TRAPPC9: variants seen among roughly 807,000 people sequenced by gnomAD.
TRAPPC9 encodes the protein IKK2 binding protein.
In TRAPPC9, 83 loss-of-function variants were observed where a neutral mutation model predicts 124.0. That is an observed-to-expected ratio of 0.67 (90% CI 0.56 to 0.80). The LOEUF (loss-of-function observed/expected upper bound fraction) is 0.80, where lower values mean the gene tolerates loss of function less well. Among genes scored for constraint, TRAPPC9 ranks in the 30% least tolerant of loss-of-function variants. The probability of loss-of-function intolerance (pLI) is 0.00; values close to 1 mark genes in which losing one functional copy is unlikely to be tolerated. For missense variants in TRAPPC9, 1,302 were observed against 1,508.3 expected (o/e 0.86, Z 2.27); for synonymous variants, 638 against 617.5 (o/e 1.03, Z -0.49).
intron 10 of TRAPPC9, among the ~76,000 whole-genome samples, chr8:140,308,810 G>A (rs909179881): frequency 3.3e-5 from 5 of 152,032 alleles, no homozygotes; most frequent in Admixed American, 3.3e-4. Flanking sequence ...GAACCCGGGA[G>A]GTGGAGGTTG....
At chr8:140,408,324 C>T (rs561926538) in intron 5 of TRAPPC9, among the ~76,000 whole-genome samples, 3 of 152,116 alleles carry the variant, frequency 2.0e-5, no homozygotes, top group Non-Finnish European at 2.9e-5. Context: ...AAAAGGTTCT[C>T]AAGTATCAGC....
chr8:140,329,989 G>C lies in TRAPPC9; in HGVS notation c.1496-18615C>G, dbSNP rs187437317. Among the ~76,000 whole-genome samples, 170 of 152,260 alleles carry C rather than the reference G, an allele frequency of 1.1e-3. 2 individuals carry two copies. Among genetic ancestry groups the C allele is most frequent in the Admixed American group, 8.7e-3 (133 of 15,294 alleles). On this transcript the variant is annotated intron_variant, in intron 9 of 22. Transcript: ENST00000438773. Reference sequence around the variant, plus strand: ...GCTAACTCAGGAGGCTGAGGCAGGAGAATCACTTGAACCTGGGAGGCAGAA... The same window carrying C: ...GCTAACTCAGGAGGCTGAGGCAGGACAATCACTTGAACCTGGGAGGCAGAA...
chr8:140,233,705 C>A (rs2063663826), intron 16 of TRAPPC9, among the ~76,000 whole-genome samples: 1 of 141,960 alleles, frequency 7.0e-6, no homozygotes. Context: ...GTCCCTGGAA[C>A]TGGCTTTGCT....
chr8:139,785,246 T>A lies in TRAPPC9; in HGVS notation c.3056-53044A>T, dbSNP rs60458430. ...ACTCGCTAAAATGAACTTCAGTCCCTACGTTGTATTCTGTAAAAAATTAAC... is the reference window on the plus strand; with the variant it reads ...ACTCGCTAAAATGAACTTCAGTCCCAACGTTGTATTCTGTAAAAAATTAAC... On this transcript the variant is annotated intron_variant, in intron 21 of 22. Transcript: ENST00000438773. 3.9e-3 allele frequency among the ~76,000 whole-genome samples: 600 copies of A among 152,318 alleles called. 9 individuals carry two copies. Among genetic ancestry groups the A allele is most frequent in the African/African-American group, 0.014 (589 of 41,574 alleles).
chr8:139,857,229 C>T (rs375648791), intron 21 of TRAPPC9, among the ~76,000 whole-genome samples: 120 of 152,236 alleles, frequency 7.9e-4, no homozygotes, highest in African/African-American at 2.7e-3. Flanking sequence ...CAGAGGCTGG[C>T]GGCGGCTCAT....
chr8:139,869,656 A>G (rs1426122555), intron 21 of TRAPPC9, among the ~76,000 whole-genome samples: 1 of 152,270 alleles, frequency 6.6e-6, no homozygotes, highest in Non-Finnish European at 1.5e-5. Context: ...TGTCCATGGC[A>G]TAGTTACAAA....
intron 4 of TRAPPC9, among the ~76,000 whole-genome samples, 167 bp from the exon 5 acceptor site, chr8:140,426,808 T>C (rs955030977): frequency 6.6e-6 from 1 of 152,236 alleles, no homozygotes; most frequent in Non-Finnish European, 1.5e-5. Context: ...TGGTGCCTTT[T>C]TGCTTCAGAC....
chr8:140,033,665 T>TTTTTTTTTTTG (rs1840661085), intron 17 of TRAPPC9, among the ~76,000 whole-genome samples: 2 of 26,802 alleles, frequency 7.5e-5, no homozygotes, highest in Non-Finnish European at 7.1e-5. Flanking sequence ...GTGGTTTTTT[T>TTTTTTTTTTTG]TTTTTTTTTT....
intron 17 of TRAPPC9, among the ~76,000 whole-genome samples, chr8:140,183,084 T>C (rs2062243694): frequency 6.6e-6 from 1 of 152,174 alleles, no homozygotes; most frequent in African/African-American, 2.4e-5. Context: ...TCTAGCTTTC[T>C]CTACCACTGA....
chr8:139,992,741 T>C (rs1171172515), intron 18 of TRAPPC9, among the ~76,000 whole-genome samples: 1 of 151,162 alleles, frequency 6.6e-6, no homozygotes, highest in Non-Finnish European at 1.5e-5. Flanking sequence ...AAAGAAAAGA[T>C]AGCTACAAAG....
intron 6 of TRAPPC9, among the ~76,000 whole-genome samples, chr8:140,403,623 G>T (rs886118695): frequency 1.3e-5 from 2 of 151,648 alleles, no homozygotes; most frequent in Non-Finnish European, 2.9e-5. Flanking sequence ...CTTTTTGGAG[G>T]ACAATACAGG....
At chr8:140,362,751 G>C (rs1228753005) in intron 8 of TRAPPC9, among the ~76,000 whole-genome samples, 1 of 152,114 alleles carries the variant, frequency 6.6e-6, no homozygotes, top group Non-Finnish European at 1.5e-5. Context: ...TCAATGTCAT[G>C]ACTAACCTAG....
At chr8:139,956,540 C>T (rs963546554) in intron 19 of TRAPPC9, among the ~76,000 whole-genome samples, 1 of 152,218 alleles carries the variant, frequency 6.6e-6, no homozygotes, top group African/African-American at 2.4e-5. Flanking sequence ...TACGCCTGAC[C>T]TATTTCTCCA....
chr8:140,445,103 T>C (rs1188596163), intron 2 of TRAPPC9, among the ~76,000 whole-genome samples: 1 of 152,190 alleles, frequency 6.6e-6, no homozygotes, highest in East Asian at 1.9e-4. Flanking sequence ...TCTCTCCGTT[T>C]GAATGCCCAA....
chr8:140,006,503 G>A (rs2131825018), intron 18 of TRAPPC9, among the ~76,000 whole-genome samples: 1 of 152,108 alleles, frequency 6.6e-6, no homozygotes, highest in Non-Finnish European at 1.5e-5. Flanking sequence ...TCCTAGGTTT[G>A]TACCCAAGAG....
intron 19 of TRAPPC9, among the ~76,000 whole-genome samples, chr8:139,986,688 A>G (rs1837257207): frequency 6.6e-6 from 1 of 152,244 alleles, no homozygotes; most frequent in African/African-American, 2.4e-5. Context: ...ACAGAGCTCA[A>G]CACTGGCTTA....
At chr8:139,904,733 G>C (rs1344744780) in intron 20 of TRAPPC9, 1 of 152,176 alleles carries the variant, frequency 6.6e-6, no homozygotes, top group Non-Finnish European at 1.5e-5. Flanking sequence ...GACCAAAAAG[G>C]CCGATGATTC....
chr8:140,423,657 C>CATATAT (rs554683603), intron 5 of TRAPPC9, among the ~76,000 whole-genome samples: 4,331 of 71,222 alleles, frequency 0.061, 213 homozygotes, highest in African/African-American at 0.13. Context: ...CATATACATA[C>CATATAT]ACACATATAT....
chr8:139,860,031 T>C (rs537184325), intron 21 of TRAPPC9, among the ~76,000 whole-genome samples: 64 of 152,342 alleles, frequency 4.2e-4, no homozygotes, highest in African/African-American at 1.4e-3. Context: ...GTTCAAACAC[T>C]TGCTCACTGC....
Sources: gnomAD v4.1 joint callset for allele counts (sites outside exome capture counted in the v4.1 genomes callset) on GRCh38, gnomAD v4.1.1 for gene constraint, MANE v1.5 for transcripts, NCBI Gene and HGNC (gene_info 2026-07-23, HGNC 2026-07-21) for gene names.